The following FBXO34 variants were observed in gnomAD, a reference collection of about 807,000 sequenced individuals.
The protein encoded by FBXO34 is F-box protein 34.
A neutral mutation model predicts 24.5 loss-of-function variants in FBXO34; 12 were observed. That is an observed-to-expected ratio of 0.49 (90% CI 0.31 to 0.79). The LOEUF is 0.79. Among genes scored for constraint, FBXO34 ranks in the 30% least tolerant of loss-of-function variants. The pLI is 0.04. For missense variants in FBXO34, 823 were observed against 857.7 expected, an observed-to-expected ratio of 0.96 and a Z score of 0.51; for synonymous variants, 320 against 311.9, an observed-to-expected ratio of 1.03 and a Z score of -0.27.
chr14:55,286,357 T>G (rs1261005023), intron 1 of FBXO34, among the ~76,000 whole-genome samples: 2 of 152,230 alleles, frequency 1.3e-5, no homozygotes, highest in Non-Finnish European at 2.9e-5. Flanking sequence ...CGGTGTAACT[T>G]TTGGCTTTCT....
chr14:55,432,288 CT>C, the FBXO34 span, among the ~76,000 whole-genome samples: 1 of 150,842 alleles, frequency 6.6e-6, no homozygotes, highest in South Asian at 2.1e-4. Flanking sequence ...TGGTGCATAC[CT>C]GTGGTCCCAG....
chr14:55,343,140 GAC>G (rs969400863), intron 1 of FBXO34, among the ~76,000 whole-genome samples: 3 of 152,018 alleles, frequency 2.0e-5, no homozygotes, highest in Non-Finnish European at 4.4e-5. Flanking sequence ...CAGTTTTTAA[GAC>G]ACAAATGATG....
chr14:55,387,531 G>C, the FBXO34 span, among the ~76,000 whole-genome samples: 1 of 152,128 alleles, frequency 6.6e-6, no homozygotes, highest in Admixed American at 6.5e-5. Flanking sequence ...CCTCAGATGA[G>C]GTCCCACTGA....
At chr14:55,414,145 C>A in the FBXO34 span, 1 of 510,210 alleles carries the variant, frequency 2.0e-6, no homozygotes, top group Non-Finnish European at 3.6e-6. Flanking sequence ...TCTAGTGAGA[C>A]CCTAAATCTC....
At chr14:55,410,811 TACTATCATTG>T in the FBXO34 span, among the ~76,000 whole-genome samples, 52 of 152,364 alleles carry the variant, frequency 3.4e-4, no homozygotes, top group African/African-American at 1.1e-3. Context: ...CTAGCTATCT[TACTATCATTG>T]ACTATCATTG....
chr14:55,360,049 C>T (rs1167105810), intron 3 of FBXO34, among the ~76,000 whole-genome samples: 2 of 152,056 alleles, frequency 1.3e-5, no homozygotes, highest in African/African-American at 4.8e-5. Context: ...CTACTGCACT[C>T]CAGCCTGGAT....
At chr14:55,414,081 G>T in the FBXO34 span, 1 of 560,672 alleles carries the variant, frequency 1.8e-6, no homozygotes, top group Non-Finnish European at 3.4e-6. Flanking sequence ...ACTGGAAGAT[G>T]GCCCTTCCGG....
intron 1 of FBXO34, among the ~76,000 whole-genome samples, chr14:55,295,389 T>A (rs1882086187): frequency 4.2e-5 from 2 of 47,094 alleles, no homozygotes; most frequent in African/African-American, 9.2e-4. Flanking sequence ...TCTTTTCTAT[T>A]TTTTTTTTTT....
intron 1 of FBXO34, among the ~76,000 whole-genome samples, chr14:55,283,784 C>T (rs1375870461): frequency 2.0e-5 from 3 of 152,110 alleles, no homozygotes; most frequent in Non-Finnish European, 2.9e-5. Flanking sequence ...TTTTATTTAA[C>T]ACTTTGTGTT....
the FBXO34 span, among the ~76,000 whole-genome samples, chr14:55,390,221 C>A: frequency 6.6e-6 from 1 of 152,236 alleles, no homozygotes; most frequent in African/African-American, 2.4e-5. Flanking sequence ...CAGGTGCCTG[C>A]CACCACGCCC....
At chr14:55,409,752 ATATAGAAC>A in the FBXO34 span, among the ~76,000 whole-genome samples, 1 of 152,234 alleles carries the variant, frequency 6.6e-6, no homozygotes, top group African/African-American at 2.4e-5. Context: ...GGAACAGATA[ATATAGAAC>A]TTTGGTTAAG....
At chr14:55,433,782 A>G in the FBXO34 span, 3 of 1,473,194 alleles carry the variant, frequency 2.0e-6, no homozygotes, top group Non-Finnish European at 2.8e-6. Context: ...TCCCAGTTGA[A>G]AAAGCCGAGC....
At chr14:55,376,168 G>T in the FBXO34 span, among the ~76,000 whole-genome samples, 2 of 152,190 alleles carry the variant, frequency 1.3e-5, no homozygotes, top group African/African-American at 4.8e-5. Flanking sequence ...TGTGACCATG[G>T]CCATGAGTTA....
intron 1 of FBXO34, among the ~76,000 whole-genome samples, chr14:55,342,282 C>T (rs138977727): frequency 3.0e-4 from 45 of 152,258 alleles, no homozygotes; most frequent in African/African-American, 8.7e-4. Flanking sequence ...TTTTTGAAAA[C>T]CATACATGTG....
the FBXO34 span, among the ~76,000 whole-genome samples, chr14:55,421,173 G>A: frequency 6.6e-6 from 1 of 151,876 alleles, no homozygotes; most frequent in East Asian, 1.9e-4. Flanking sequence ...TTGGCAATTT[G>A]CACTTTTAAT....
At chr14:55,394,783 C>T in the FBXO34 span, among the ~76,000 whole-genome samples, 1 of 152,214 alleles carries the variant, frequency 6.6e-6, no homozygotes, top group Admixed American at 6.5e-5. Context: ...ACTGTGACTC[C>T]ATAGTGCCAT....
chr14:55,282,275 G>C, intron 1 of FBXO34: 1 of 401,318 alleles, frequency 2.5e-6, no homozygotes, highest in Non-Finnish European at 5.1e-6. Context: ...TTACAGGCCT[G>C]AGCCACCGCG....
At chr14:55,301,422 G>A (rs1033800268) in intron 1 of FBXO34, among the ~76,000 whole-genome samples, 4 of 149,948 alleles carry the variant, frequency 2.7e-5, no homozygotes, top group African/African-American at 2.5e-5. Flanking sequence ...GGGTGACAAA[G>A]TGAGACTCTG....
downstream of FBXO34, among the ~76,000 whole-genome samples, chr14:55,365,077 AAG>A (rs1884650620): frequency 7.4e-6 from 1 of 134,498 alleles, no homozygotes; most frequent in African/African-American, 2.7e-5. Context: ...AAAAAAAAAA[AAG>A]CCAGGTGTGG....
Sources: gnomAD v4.1 joint callset for allele counts (sites outside exome capture counted in the v4.1 genomes callset) on GRCh38, gnomAD v4.1.1 for gene constraint, MANE v1.5 for transcripts, NCBI Gene and HGNC (gene_info 2026-07-23, HGNC 2026-07-21) for gene names.